Variants in PCNX1 observed in about 807,000 individuals in gnomAD.
PCNX1 encodes pecanex-like protein 1.
Under a neutral mutation model 242.2 loss-of-function variants are expected in PCNX1, and 78 were observed. That is an observed-to-expected ratio of 0.32 (90% CI 0.27 to 0.39). The LOEUF (loss-of-function observed/expected upper bound fraction) is 0.39, where lower values mean the gene tolerates loss of function less well. Ranked by LOEUF, PCNX1 falls within the 10% of genes least tolerant of loss-of-function variation. PCNX1 has a pLI of 1.00. For missense variants in PCNX1, 2,581 were observed against 2,856.5 expected, an observed-to-expected ratio of 0.90 and a Z score of 2.20; for synonymous variants, 1,024 against 1,032.9, an observed-to-expected ratio of 0.99 and a Z score of 0.17.
Position 71,073,621 on chromosome 14 carries a change from A to G in PCNX1, c.4929A>G (p.Glu1643=). ...AAGATGAAGGATTTTGCTGTTGTGA[A>G]CCTGGCCATATTCCTCACATGCTTT... The part of the protein sequence containing the change: ...VEEDEGFCCC[E]PGHIPHMLSF... The change falls in exon 27 of 36, where the codon GAA becomes GAG. Residue 1643 remains glutamate, a synonymous_variant. Coordinates refer to ENST00000304743, the MANE Select transcript of PCNX1 (RefSeq NM_014982.3). 2.2e-5 allele frequency: 35 copies of G among 1,613,980 alleles called. No homozygotes were observed. The highest frequency in any genetic ancestry group is 2.9e-5 in the Non-Finnish European group (34 of 1,179,944).
intron 27 of PCNX1, among the ~76,000 whole-genome samples, chr14:71,075,885 CTAAA>C (rs1055893088): frequency 2.0e-5 from 3 of 151,224 alleles, no homozygotes; most frequent in African/African-American, 4.9e-5. Context: ...GACTCTGTCT[CTAAA>C]TAAATAAATA....
intron 28 of PCNX1, among the ~76,000 whole-genome samples, chr14:71,083,917 A>T (rs1423700488): frequency 6.6e-6 from 1 of 152,092 alleles, no homozygotes; most frequent in African/African-American, 2.4e-5. Context: ...GATCCTTTGG[A>T]GGAGAAAAGG....
In PCNX1 at chr14:70,977,075, C is replaced by G; in HGVS notation, c.738C>G (p.Asn246Lys). Residue 246 changes from asparagine (N) to lysine (K), a missense_variant, in exon 6 of 36, where the codon AAC becomes AAG. Asn to Lys is a moderately conservative substitution (Grantham distance 94). Transcript: ENST00000304743. ...FSDKVNLPSH[N>K]HHHHVDQSLS... Reference sequence around the variant, plus strand: ...ACAAAGTGAACCTGCCAAGTCATAACCACCACCACCATGTTGATCAGTCTC... The same window carrying G: ...ACAAAGTGAACCTGCCAAGTCATAAGCACCACCACCATGTTGATCAGTCTC... 8 of 1,613,958 alleles carry G rather than the reference C, an allele frequency of 5.0e-6. No individual in the cohort carries two copies. The highest frequency in any genetic ancestry group is 6.8e-6 in the Non-Finnish European group (8 of 1,179,862).
In PCNX1 at chr14:71,015,799, A is replaced by G. The variant is rs2059947919; in HGVS notation, c.2996+2597A>G. The stretch of plus-strand genomic sequence containing the variant: ...AGAATAGATGAGACAAATAGGAAAC[A>G]CATGACAAGATGATAGAGTCAGAAA... On this transcript the variant is annotated intron_variant, in intron 11 of 35. Transcript: ENST00000304743. Among the ~76,000 whole-genome samples the G allele has an allele frequency of 2.0e-5, 3 of 152,234 alleles. No individual in the cohort carries two copies. In the South Asian group the frequency reaches 6.2e-4, roughly 32 times the overall value.
At chr14:70,929,959 A>G (rs1233628534) in intron 1 of PCNX1, among the ~76,000 whole-genome samples, 1 of 152,228 alleles carries the variant, frequency 6.6e-6, no homozygotes, top group East Asian at 1.9e-4. Flanking sequence ...CTTTCTTTAA[A>G]TAAAAGTATA....
rs989653256 is a variant in PCNX1, at chr14:71,026,940, T to C, written c.3466+58T>C. The C allele has an allele frequency of 3.1e-5, 23 of 732,296 alleles. No homozygotes were observed. In the African/African-American group the frequency reaches 3.7e-4, roughly 12 times the overall value. 45.4% of individuals were successfully genotyped at this position (732,296 alleles called of 1,614,324 possible). A position where few individuals can be genotyped will look rare whatever the true frequency, so the allele number is the denominator to read the frequency against. ...AGTATTACCTTTATAGATCATGAAG[T>C]AATAAACTGACCATTAAAATGCTTT... On this transcript the variant is annotated intron_variant, in intron 15 of 35. Transcript: ENST00000304743.
At chr14:70,921,272 A>G (rs1566568736) in intron 1 of PCNX1, among the ~76,000 whole-genome samples, 1 of 152,158 alleles carries the variant, frequency 6.6e-6, no homozygotes, top group African/African-American at 2.4e-5. Context: ...CATGACCCTC[A>G]TGACAAAACT....
At chr14:70,978,956 TC>T (rs2058758487) in intron 6 of PCNX1, among the ~76,000 whole-genome samples, 1 of 152,160 alleles carries the variant, frequency 6.6e-6, no homozygotes, top group Non-Finnish European at 1.5e-5. Context: ...TTAGCCCTCT[TC>T]CTTTGTATAG....
At chr14:70,981,784 C>T (rs904249627) in intron 6 of PCNX1, among the ~76,000 whole-genome samples, 2 of 152,036 alleles carry the variant, frequency 1.3e-5, no homozygotes, top group African/African-American at 4.8e-5. Context: ...TTAAGGAAGT[C>T]GTTTTCTTTT....
rs564258305 is a variant in PCNX1, at chr14:71,027,133, C to T, written c.3466+251C>T. 48 of 325,008 alleles carry T rather than the reference C, an allele frequency of 1.5e-4. 2 individuals are homozygous for T. The South Asian group carries it at 2.1e-3, about 15-fold the overall frequency. 20.1% of individuals were successfully genotyped at this position (325,008 alleles called of 1,614,324 possible). ...TTAAGAAGTTATAAAATAATGTCTGCAACTAAAAGTTCTAGTGAATTTACA... is the reference window on the plus strand; with the variant it reads ...TTAAGAAGTTATAAAATAATGTCTGTAACTAAAAGTTCTAGTGAATTTACA... On this transcript the variant is annotated intron_variant, in intron 15 of 35. Coordinates refer to ENST00000304743, the MANE Select transcript of PCNX1 (RefSeq NM_014982.3).
At chr14:71,021,626 G>A (rs2060103766) in intron 12 of PCNX1, among the ~76,000 whole-genome samples, 1 of 152,068 alleles carries the variant, frequency 6.6e-6, no homozygotes, top group Non-Finnish European at 1.5e-5. Flanking sequence ...CCTCATTGCA[G>A]TACTGAAATT....
chr14:71,073,315 C>G (rs111613106), intron 26 of PCNX1, among the ~76,000 whole-genome samples: 3 of 152,108 alleles, frequency 2.0e-5, no homozygotes, highest in African/African-American at 7.2e-5. Flanking sequence ...ACAAAAAAAG[C>G]GTAGTGTGCT....
intron 30 of PCNX1, among the ~76,000 whole-genome samples, chr14:71,091,893 C>T (rs1566795875): frequency 1.3e-5 from 2 of 152,166 alleles, no homozygotes; most frequent in Admixed American, 6.5e-5. Context: ...CCGTGTGGCA[C>T]TAATCATCTC....
At chr14:71,103,814 A>G in intron 32 of PCNX1, 145 bp downstream of exon 32, 1 of 651,840 alleles carries the variant, frequency 1.5e-6, no homozygotes, top group Non-Finnish European at 2.6e-6. Flanking sequence ...TTCAAGAAGT[A>G]GAATCTGAGC....
intron 7 of PCNX1, among the ~76,000 whole-genome samples, chr14:70,995,439 G>C (rs976084157): frequency 1.3e-5 from 2 of 152,030 alleles, no homozygotes; most frequent in African/African-American, 4.8e-5. Flanking sequence ...ATTCTTTTTT[G>C]CTGCTTTCTT....
At chr14:70,921,449 T>C (rs2056370635) in intron 1 of PCNX1, among the ~76,000 whole-genome samples, 1 of 152,098 alleles carries the variant, frequency 6.6e-6, no homozygotes, top group Admixed American at 6.5e-5. Context: ...CCAGGCTAAT[T>C]TTTGAATTTT....
At chr14:70,928,411 T>C (rs892240826) in intron 1 of PCNX1, among the ~76,000 whole-genome samples, 14 of 152,326 alleles carry the variant, frequency 9.2e-5, no homozygotes, top group African/African-American at 3.4e-4. Flanking sequence ...AGAAACAGGA[T>C]AGGTAAAGCT....
intron 8 of PCNX1, among the ~76,000 whole-genome samples, chr14:71,000,716 G>A (rs926075654): frequency 6.6e-6 from 1 of 151,940 alleles, no homozygotes; most frequent in African/African-American, 2.4e-5. Flanking sequence ...AGTAGAGATG[G>A]GGTTTTGCCA....
chr14:70,996,066 G>A (rs1331202575), intron 8 of PCNX1, 141 bp downstream of exon 8: 2 of 621,848 alleles, frequency 3.2e-6, no homozygotes, highest in Non-Finnish European at 5.6e-6. Context: ...TACCCTATGT[G>A]TTAGGAAAAT....
Sources: allele counts gnomAD v4.1 joint callset (sites outside exome capture counted in the v4.1 genomes callset), GRCh38; gene constraint gnomAD v4.1.1; transcripts MANE v1.5; gene names NCBI Gene and HGNC (gene_info 2026-07-23, HGNC 2026-07-21).